SLC9C1: variants seen among roughly 807,000 people sequenced by gnomAD.
SLC9C1 encodes sodium/hydrogen exchanger 10.
SLC9C1 carries 97 observed loss-of-function variants against 140.9 expected under a neutral mutation model. That is an observed-to-expected ratio of 0.69 (90% CI 0.58 to 0.82). The LOEUF is 0.82. Among genes scored for constraint, SLC9C1 ranks in the 40% least tolerant of loss-of-function variants. SLC9C1 has a pLI of 0.00. For synonymous variants in SLC9C1, 440 were observed against 442.6 expected (o/e 0.99, Z 0.07); for missense variants, 1,340 against 1,389.3 (o/e 0.96, Z 0.56).
At chr3:112,171,998 T>C (rs2077255840) in intron 23 of SLC9C1, among the ~76,000 whole-genome samples, 1 of 152,212 alleles carries the variant, frequency 6.6e-6, no homozygotes, top group Non-Finnish European at 1.5e-5. Flanking sequence ...TCATGTGGCC[T>C]TAATTACACA....
chr3:112,269,785 A>C, intron 7 of SLC9C1, 131 bp downstream of exon 7: 1 of 658,054 alleles, frequency 1.5e-6, no homozygotes, highest in East Asian at 3.5e-5. Flanking sequence ...TTGATAGATT[A>C]TTTTAATAAA....
chr3:112,151,427 T>C (rs777829169), intron 28 of SLC9C1: 3 of 519,036 alleles, frequency 5.8e-6, no homozygotes, highest in Non-Finnish European at 1.2e-5. Context: ...CTTCAGCTGG[T>C]GTTATCCACA....
rs540785127 is a variant in SLC9C1, at chr3:112,175,697, G to A, written c.2919+3834C>T. On this transcript the variant is annotated intron_variant, in intron 23 of 28. Transcript: ENST00000305815. ...TGCCTAGTGAGGAGAAATGGGATTC[G>A]GGATGTGCATGAATAAGAAGTCTGA... Among the ~76,000 whole-genome samples the A allele has an allele frequency of 7.9e-5, 12 of 152,300 alleles. No individual in the cohort carries two copies. The South Asian group carries it at 8.3e-4, about 11-fold the overall frequency.
At chr3:112,221,359 T>C (rs2078537412) in intron 13 of SLC9C1, 134 bp from the exon 14 acceptor site, 8 of 767,744 alleles carry the variant, frequency 1.0e-5, no homozygotes, top group Non-Finnish European at 1.4e-5. Context: ...AATATTTCTA[T>C]GGAGTTCAGA....
At position 112,280,766 on chromosome 3, in the gene SLC9C1, A is replaced by C; in HGVS notation, c.106T>G (p.Leu36Val). The C allele has an allele frequency of 2.5e-6, 4 of 1,610,978 alleles. No homozygotes were observed. Among genetic ancestry groups the C allele is most frequent in the South Asian group, 1.1e-5 (1 of 89,950 alleles). Residue 36 changes from leucine to valine, a missense_variant, in exon 3 of 29, where the codon TTG (leucine) becomes GTG (valine). Physicochemically the swap from Leu to Val is conservative, Grantham distance 32. Coordinates refer to ENST00000305815, the MANE Select transcript of SLC9C1 (RefSeq NM_183061.3). ...GGGACAGGAATTGGAAAGTCTTCCA[A>C]GTGCCGGTTCAAAAATGCTGCAAAA... The part of the protein sequence containing the change: ...SSIGAFLNRH[L>V]EDFPIPVPVI...
chr3:112,260,134 T>C (rs893354966), intron 10 of SLC9C1, among the ~76,000 whole-genome samples: 1 of 152,160 alleles, frequency 6.6e-6, no homozygotes, highest in African/African-American at 2.4e-5. Flanking sequence ...TATCTATTTC[T>C]CCCTTTAGGT....
chr3:112,185,844 C>A (rs1014818620), intron 20 of SLC9C1: 2 of 1,587,174 alleles, frequency 1.3e-6, no homozygotes, highest in African/African-American at 1.3e-5. Context: ...GTAAGCAGGG[C>A]CCGGGACTGC....
At chr3:112,158,479 T>C (rs2075190968) in intron 26 of SLC9C1, among the ~76,000 whole-genome samples, 2 of 152,096 alleles carry the variant, frequency 1.3e-5, no homozygotes, top group Non-Finnish European at 2.9e-5. Flanking sequence ...CCTATAGTTT[T>C]CTATTTTTCC....
intron 28 of SLC9C1, among the ~76,000 whole-genome samples, chr3:112,145,959 C>T (rs538916561): frequency 7.2e-5 from 11 of 152,240 alleles, no homozygotes; most frequent in Non-Finnish European, 1.5e-4. Flanking sequence ...CCTTCTGCCA[C>T]GATTGTGAGG....
chr3:112,214,745 A>G (rs535301746), intron 15 of SLC9C1, among the ~76,000 whole-genome samples: 2 of 152,332 alleles, frequency 1.3e-5, no homozygotes, highest in South Asian at 4.1e-4. Flanking sequence ...GAAGTCCAGG[A>G]CCAGATGGAT....
intron 23 of SLC9C1, among the ~76,000 whole-genome samples, chr3:112,170,161 T>C (rs555538922): frequency 3.9e-5 from 6 of 152,220 alleles, no homozygotes; most frequent in East Asian, 3.9e-4. Flanking sequence ...TTGAACTAAA[T>C]AGCTTCTGTA....
chr3:112,219,244 C>G (rs9818716), intron 14 of SLC9C1, among the ~76,000 whole-genome samples: 45,611 of 151,964 alleles, frequency 0.3, 7,068 homozygotes, highest in East Asian at 0.36. Context: ...TGCCACAGGT[C>G]ACCCTGACAC....
chr3:112,186,195 T>C (rs2077536366), intron 20 of SLC9C1, among the ~76,000 whole-genome samples: 1 of 152,038 alleles, frequency 6.6e-6, no homozygotes, highest in South Asian at 2.1e-4. Context: ...TTTAGTTCTC[T>C]TAATTTTTTA....
intron 1 of SLC9C1, among the ~76,000 whole-genome samples, chr3:112,292,726 G>T (rs1375528279): frequency 1.3e-5 from 2 of 151,366 alleles, no homozygotes; most frequent in Non-Finnish European, 1.5e-5. Context: ...TGTATTTTTA[G>T]TAGAGACGGG....
intron 23 of SLC9C1, among the ~76,000 whole-genome samples, chr3:112,169,788 A>G (rs1316069729): frequency 1.3e-5 from 2 of 152,106 alleles, no homozygotes; most frequent in Non-Finnish European, 2.9e-5. Flanking sequence ...TTTGATAGAT[A>G]TTGCATTCAA....
At chr3:112,250,082 T>G in intron 10 of SLC9C1, among the ~76,000 whole-genome samples, 1 of 137,690 alleles carries the variant, frequency 7.3e-6, no homozygotes, top group Non-Finnish European at 1.5e-5. Flanking sequence ...CCCACAACAG[T>G]CCCCAGTGTG....
chr3:112,225,553 C>T (rs59877695), intron 13 of SLC9C1, among the ~76,000 whole-genome samples: 114,367 of 151,136 alleles, frequency 0.76, 43,569 homozygotes, highest in East Asian at 0.99. Context: ...AAAAAAAAAA[C>T]ACATGACACC....
Position 112,167,152 on chromosome 3 carries a change from A to G in SLC9C1, c.3364+69T>C. 10 of 1,555,336 alleles carry G rather than the reference A, an allele frequency of 6.4e-6. No homozygotes were observed. The South Asian group carries it at 1.2e-4, about 18-fold the overall frequency. Reference sequence around the variant, plus strand: ...AGGCAGAATGCAAACAACAGTTTCCAAATACACATATGGCTATTTTATAAA... The same window carrying G: ...AGGCAGAATGCAAACAACAGTTTCCGAATACACATATGGCTATTTTATAAA... On this transcript the variant is annotated intron_variant, in intron 26 of 28. Transcript: ENST00000305815.
chr3:112,159,503 T>A (rs2075226002), intron 26 of SLC9C1, among the ~76,000 whole-genome samples: 2 of 152,142 alleles, frequency 1.3e-5, no homozygotes, highest in Admixed American at 1.3e-4. Context: ...CTGGAGAATA[T>A]TCCATGTGCT....
Sources: gnomAD v4.1 joint callset for allele counts (sites outside exome capture counted in the v4.1 genomes callset) on GRCh38, gnomAD v4.1.1 for gene constraint, MANE v1.5 for transcripts, NCBI Gene and HGNC (gene_info 2026-07-23, HGNC 2026-07-21) for gene names.